The following MED25 variants were observed in gnomAD, a reference collection of about 807,000 sequenced individuals.
MED25 encodes mediator complex subunit 25.
MED25 carries 62 observed loss-of-function variants against 89.4 expected under a neutral mutation model. The ratio of observed to expected loss-of-function variants is 0.69; its 90% CI spans 0.57 to 0.86. MED25 has a LOEUF of 0.86. Among genes scored for constraint, MED25 ranks in the 40% least tolerant of loss-of-function variants. The pLI is 0.00. For missense variants in MED25, 905 were observed against 1,005.2 expected, an observed-to-expected ratio of 0.90 and a Z score of 1.35; for synonymous variants, 449 against 427.9, an observed-to-expected ratio of 1.05 and a Z score of -0.61.
Position 49,818,860 on chromosome 19 carries a change from G to T in MED25, c.180+244G>T, listed in dbSNP as rs2073959639. 4 of 592,078 alleles carry T rather than the reference G, an allele frequency of 6.8e-6. No individual in the cohort carries two copies. The Admixed American group carries it at 9.0e-5, about 13-fold the overall frequency. The allele number at this position is 592,078 out of a possible 1,614,324, so 36.7% of individuals were successfully genotyped here. Reference sequence around the variant, plus strand: ...AGGGAGCTAGGGGCCCAGATCCCTGGGTCTGAGGGAGGAAGGGCTGGGCGT... The same window carrying T: ...AGGGAGCTAGGGGCCCAGATCCCTGTGTCTGAGGGAGGAAGGGCTGGGCGT... On this transcript the variant is annotated intron_variant, in intron 2 of 17. Transcript: ENST00000312865.
rs2123886429 is a variant in MED25 at position 49,834,729 on chromosome 19, T to C, written c.1483-257T>C. Reference sequence around the variant, plus strand: ...GGGTCCATGAGGAGCAGGTGGTGGCTGAAGGTTGAAGAGCTGGGCTCCAGC... The same window carrying C: ...GGGTCCATGAGGAGCAGGTGGTGGCCGAAGGTTGAAGAGCTGGGCTCCAGC... On this transcript the variant is annotated intron_variant, in intron 13 of 17. Transcript: ENST00000312865. The surrounding 1 kb of genome is among the most constrained non-coding windows in gnomAD (Gnocchi z 4.1). The C allele has an allele frequency of 1.8e-6, 1 of 552,998 alleles. No individual in the cohort carries two copies. Among genetic ancestry groups the C allele is most frequent in the Non-Finnish European group, 3.3e-6 (1 of 306,868 alleles). 34.3% of individuals were successfully genotyped at this position (552,998 alleles called of 1,614,324 possible). A position where few individuals can be genotyped will look rare whatever the true frequency, so the allele number is the denominator to read the frequency against.
At chr19:49,838,202 C>T (rs971673925), downstream of MED25, among the ~76,000 whole-genome samples, 4 of 152,156 alleles carry the variant, frequency 2.6e-5, no homozygotes, top group Non-Finnish European at 5.9e-5. Flanking sequence ...GGCCTATGGG[C>T]CATCGTGCGG....
chr19:49,832,551 C>T (rs2074066117), intron 13 of MED25, 136 bp downstream of exon 13: 1 of 686,188 alleles, frequency 1.5e-6, no homozygotes, highest in South Asian at 1.5e-5. Context: ...CCCTTAGGTT[C>T]CTCGCCTTTC....
chr19:49,835,029 G>A lies in MED25; in HGVS notation c.1526G>A (p.Arg509His), dbSNP rs1156431468. ...HFPHTAPCEV[R>H]VLMLLYSSKK... ...CCCCACACGGCGCCCTGTGAGGTGC[G>A]CGTGCTCATGCTCCTGTACTCGTCC... is the stretch of plus-strand genomic sequence containing the variant. Residue 509 changes from arginine to histidine, a missense_variant, in exon 14 of 18, where the codon CGC becomes CAC. Physicochemically the swap from Arg to His is conservative, Grantham distance 29. This residue lies in a region of MED25 where 133 missense variants were observed against 220.2 expected (regional missense o/e 0.60). Transcript: ENST00000312865. This position sits in a 1 kb window ranked among gnomAD's most constrained non-coding sequence, Gnocchi z 6.2. The A allele has an allele frequency of 3.1e-6, 5 of 1,614,100 alleles. No homozygotes were observed. The highest frequency in any genetic ancestry group is 3.4e-6 in the Non-Finnish European group (4 of 1,179,994).
In MED25 at chr19:49,831,838, A is replaced by G; in HGVS notation, c.1231-98A>G. The stretch of plus-strand genomic sequence containing the variant: ...GGGCTCATGGGACTTAAACTGGGGA[A>G]CATCCTGAGCTTTGGGGCTACCAGG... On this transcript the variant is annotated intron_variant, in intron 10 of 17. Coordinates refer to ENST00000312865, the MANE Select transcript of MED25 (RefSeq NM_030973.4). This position sits in a 1 kb window ranked among gnomAD's most constrained non-coding sequence, Gnocchi z 5.0. The G allele has an allele frequency of 1.8e-6, 2 of 1,129,988 alleles. No individual in the cohort carries two copies. Among genetic ancestry groups the G allele is most frequent in the East Asian group, 4.8e-5 (2 of 41,384 alleles). 70.0% of individuals were successfully genotyped at this position (1,129,988 alleles called of 1,614,324 possible).
chr19:49,834,345 TTCACTTGG>T lies in MED25; in HGVS notation c.1483-640_1483-633del, dbSNP rs1165362819. ...GGAAACCGAGGCTCAGAGAAGTCAA[TTCACTTGG>T]CCAAGGTCAGCCTCGCCTCCCTCAG... is the stretch of plus-strand genomic sequence containing the variant. On this transcript the variant is annotated intron_variant, in intron 13 of 17. Coordinates refer to ENST00000312865, the MANE Select transcript of MED25 (RefSeq NM_030973.4). This position sits in a 1 kb window ranked among gnomAD's most constrained non-coding sequence, Gnocchi z 4.1. 6.3e-6 allele frequency: 1 copy of T among 158,088 alleles called. No homozygotes were observed. The highest frequency in any genetic ancestry group is 1.4e-5 in the Non-Finnish European group (1 of 71,078). 9.8% of individuals were successfully genotyped at this position (158,088 alleles called of 1,614,324 possible).
rs1314934198 is a variant in MED25 at position 49,830,899 on chromosome 19, C to T, written c.1101+12C>T. ...GGGCACCGTCCATGGTAGGTGCCTG[C>T]ACGCCTCCTGCCCCTGCTCCTTCCT... On this transcript the variant is annotated intron_variant, in intron 9 of 17. Coordinates refer to ENST00000312865, the MANE Select transcript of MED25 (RefSeq NM_030973.4). The surrounding 1 kb of genome is among the most constrained non-coding windows in gnomAD (Gnocchi z 4.6). 1 of 1,605,902 alleles carries T rather than the reference C, an allele frequency of 6.2e-7. No individual in the cohort carries two copies. Among genetic ancestry groups the T allele is most frequent in the Non-Finnish European group, 8.5e-7 (1 of 1,178,836 alleles).
chr19:49,830,700 C>G lies in MED25; in HGVS notation c.914C>G (p.Pro305Arg). The G allele has an allele frequency of 1.9e-6, 3 of 1,614,058 alleles. No homozygotes were observed. The highest frequency in any genetic ancestry group is 2.5e-6 in the Non-Finnish European group (3 of 1,179,952). ...QKAGLGPRFS[P>R]ITPLQQAAPG... ...CCCTTGGTCTCTCCCACAGTCTCGC[C>G]CATCACCCCTCTCCAACAAGCTGCT... is the stretch of plus-strand genomic sequence containing the variant. The change falls in exon 9 of 18, where the codon CCC becomes CGC. Residue 305 changes from proline to arginine, a missense_variant. Pro to Arg is a moderately radical substitution (Grantham distance 103, BLOSUM62 -2). This residue lies in a region of MED25 where 501 missense variants were observed against 526.9 expected (regional missense o/e 0.95). Transcript: ENST00000312865. The surrounding 1 kb of genome is among the most constrained non-coding windows in gnomAD (Gnocchi z 4.6).
intron 3 of MED25, among the ~76,000 whole-genome samples, chr19:49,823,463 TGTAA>T (rs936438654): frequency 6.6e-6 from 1 of 152,154 alleles, no homozygotes; most frequent in Non-Finnish European, 1.5e-5. Context: ...TTAAGTGCCG[TGTAA>T]GTGTTTCCTA....
intron 3 of MED25, among the ~76,000 whole-genome samples, chr19:49,825,609 A>G (rs1039248805): frequency 1.3e-5 from 2 of 151,264 alleles, no homozygotes; most frequent in African/African-American, 4.9e-5. Context: ...GAGGAGGCGG[A>G]TCACCTGAGG....
Position 49,836,473 on chromosome 19 carries a change from C to T in MED25, c.2146+67C>T, listed in dbSNP as rs1397666377. 1.0e-5 allele frequency: 15 copies of T among 1,506,872 alleles called. No homozygotes were observed. Among genetic ancestry groups the T allele is most frequent in the Admixed American group, 2.0e-5 (1 of 51,172 alleles). The allele number at this position is 1,506,872 out of a possible 1,614,324, so 93.3% of individuals were successfully genotyped here. On this transcript the variant is annotated intron_variant, in intron 17 of 17. Coordinates refer to ENST00000312865, the MANE Select transcript of MED25 (RefSeq NM_030973.4). This position sits in a 1 kb window ranked among gnomAD's most constrained non-coding sequence, Gnocchi z 5.1. ...CCCAGCAGCTCCTGGGCTAGAGCAC[C>T]AAGACCGAGTGCTCCTGGGAAGTAA...
downstream of MED25, chr19:49,838,842 G>A (rs1047954013): frequency 1.4e-5 from 6 of 434,800 alleles, no homozygotes; most frequent in African/African-American, 1.2e-4. Context: ...TTTGAAAAGC[G>A]AATTAACAGA....
intron 3 of MED25, among the ~76,000 whole-genome samples, chr19:49,823,609 T>G (rs2073997688): frequency 6.6e-6 from 1 of 152,174 alleles, no homozygotes; most frequent in Admixed American, 6.5e-5. Flanking sequence ...CAAGGTTCAT[T>G]AAACAACACC....
chr19:49,819,447 A>G (rs751032243), intron 3 of MED25, 151 bp downstream of exon 3: 160 of 458,116 alleles, frequency 3.5e-4, no homozygotes, highest in Admixed American at 6.7e-4. Flanking sequence ...GTGAATAAGT[A>G]ATGGCTTGGG....
rs1568623185 is a variant in MED25 at position 49,830,757 on chromosome 19, C to T, written c.971C>T (p.Pro324Leu). The T allele has an allele frequency of 6.2e-7, 1 of 1,613,664 alleles. No individual in the cohort carries two copies. Among genetic ancestry groups the T allele is most frequent in the South Asian group, 1.1e-5 (1 of 91,072 alleles). ...PGVGPPFSQA[P>L]APQLPPGPPG... ...GTGGGTCCCCCCTTCAGCCAGGCCC[C>T]AGCTCCCCAACTACCCCCAGGACCC... Residue 324 changes from proline to leucine, a missense_variant, in exon 9 of 18, where the codon CCA becomes CTA. By Grantham distance (98) the Pro-to-Leu change is moderately conservative (BLOSUM62 -3). Around this residue, in one of 3 missense-constraint regions of MED25, gnomAD observed 501 missense variants for 526.9 expected, o/e 0.95. Transcript: ENST00000312865. This position sits in a 1 kb window ranked among gnomAD's most constrained non-coding sequence, Gnocchi z 4.6.
chr19:49,818,598 G>A lies in MED25; in HGVS notation c.162G>A (p.Glu54=). 1 of 1,614,136 alleles carries A rather than the reference G, an allele frequency of 6.2e-7. No individual in the cohort carries two copies. The highest frequency in any genetic ancestry group is 8.5e-7 in the Non-Finnish European group (1 of 1,180,024). ...ATTTTAATGGTGGTCCTCCTGCTGA[G>A]ACGGACTTCGGGGGAGACGTGAGTC... ...IEYFNGGPPA[E]TDFGGDYGGT... is the part of the protein sequence containing the mutation. Residue 54 remains glutamate (E), a synonymous_variant, in exon 2 of 18, where the codon GAG becomes GAA. Coordinates refer to ENST00000312865, the MANE Select transcript of MED25 (RefSeq NM_030973.4).
At chr19:49,832,208 T>C (rs759278808) in intron 12 of MED25, 51 bp downstream of exon 12, 18 of 1,597,264 alleles carry the variant, frequency 1.1e-5, no homozygotes, top group Non-Finnish European at 1.5e-5. Context: ...CTCACCCTGC[T>C]GTCTCTTTCC....
rs369464420 is a variant in MED25, at chr19:49,834,530, G to A, written c.1483-456G>A. On this transcript the variant is annotated intron_variant, in intron 13 of 17. Transcript: ENST00000312865. This position sits in a 1 kb window ranked among gnomAD's most constrained non-coding sequence, Gnocchi z 4.1. ...ACCCTGTGATGTGGGAGCACTCCCC[G>A]TGGTGTACACTGGCCGGTGCTGAGG... 6 of 241,270 alleles carry A rather than the reference G, an allele frequency of 2.5e-5. No individual in the cohort carries two copies. Among genetic ancestry groups the A allele is most frequent in the South Asian group, 2.2e-4 (4 of 18,440 alleles). The allele number at this position is 241,270 out of a possible 1,614,324, so 14.9% of individuals were successfully genotyped here.
downstream of MED25, among the ~76,000 whole-genome samples, chr19:49,837,567 G>A (rs1029278343): frequency 2.0e-5 from 3 of 152,164 alleles, no homozygotes; most frequent in African/African-American, 4.8e-5. Flanking sequence ...CCTCTCAGCT[G>A]TAGAGCGTGA....
Sources: allele counts gnomAD v4.1 joint callset (sites outside exome capture counted in the v4.1 genomes callset), GRCh38; gene constraint gnomAD v4.1.1; regional missense constraint gnomAD v4.1.1; non-coding constraint Gnocchi (gnomAD v3.1); transcripts MANE v1.5; gene names NCBI Gene and HGNC (gene_info 2026-07-23, HGNC 2026-07-21).